Variants in RCHY1 observed in about 807,000 individuals in gnomAD.
The protein encoded by RCHY1 is ring finger and CHY zinc finger domain containing 1.
Under a neutral mutation model 41.6 loss-of-function variants are expected in RCHY1, and 21 were observed. That is an observed-to-expected ratio of 0.51 (90% CI 0.36 to 0.73). RCHY1 has a LOEUF of 0.73. Among genes scored for constraint, RCHY1 ranks in the 30% least tolerant of loss-of-function variants. The pLI, the probability that RCHY1 is intolerant of heterozygous loss-of-function variation, is 0.00. For missense variants in RCHY1, 265 were observed against 325.3 expected, an observed-to-expected ratio of 0.81 and a Z score of 1.43; for synonymous variants, 79 against 102.9, an observed-to-expected ratio of 0.77 and a Z score of 1.41.
chr4:75,513,071 G>T (rs1012422378), intron 1 of RCHY1, among the ~76,000 whole-genome samples: 8 of 152,104 alleles, frequency 5.3e-5, no homozygotes, highest in Non-Finnish European at 7.4e-5. Context: ...AGTAGAAATT[G>T]AATCATAAGG....
intron 1 of RCHY1, among the ~76,000 whole-genome samples, chr4:75,513,605 T>A (rs1466822230): frequency 2.0e-5 from 3 of 151,372 alleles, no homozygotes; most frequent in Non-Finnish European, 3.0e-5. Flanking sequence ...CGTGCCAATT[T>A]AAAAAAAAAT....
intron 3 of RCHY1, among the ~76,000 whole-genome samples, chr4:75,496,968 T>C (rs1578221389): frequency 6.6e-6 from 1 of 152,236 alleles, no homozygotes; most frequent in Middle Eastern, 3.4e-3. Flanking sequence ...TGTATACCAT[T>C]ACATTAAAAA....
intron 8 of RCHY1, among the ~76,000 whole-genome samples, chr4:75,484,631 AATTTCT>A (rs1176421238): frequency 7.2e-5 from 11 of 152,176 alleles, no homozygotes; most frequent in Non-Finnish European, 1.6e-4. Flanking sequence ...TGGGATCCTT[AATTTCT>A]GAAGAACTGA....
At chr4:75,495,471 C>CT (rs1356235768) in intron 3 of RCHY1, among the ~76,000 whole-genome samples, 16 of 152,130 alleles carry the variant, frequency 1.1e-4, no homozygotes, top group African/African-American at 3.9e-4. Flanking sequence ...TGAATAAAGA[C>CT]TATTTTCCAA....
intron 3 of RCHY1, among the ~76,000 whole-genome samples, chr4:75,504,897 G>A (rs1033881412): frequency 2.0e-5 from 3 of 152,102 alleles, no homozygotes; most frequent in Admixed American, 6.5e-5. Flanking sequence ...TACTTAAATG[G>A]TAAATGGCGA....
At chr4:75,503,638 G>A (rs56077838) in intron 3 of RCHY1, among the ~76,000 whole-genome samples, 23,281 of 151,804 alleles carry the variant, frequency 0.15, 2,188 homozygotes, top group Middle Eastern at 0.28. Context: ...GTTGCAGTGA[G>A]CCGAGATCAC....
chr4:75,490,009 T>G (rs760934130), intron 8 of RCHY1, among the ~76,000 whole-genome samples: 20 of 152,094 alleles, frequency 1.3e-4, no homozygotes, highest in Non-Finnish European at 2.6e-4. Context: ...TGTGGACAGT[T>G]TTTTCCCAAG....
chr4:75,514,419 G>A, upstream of RCHY1: 1 of 1,023,764 alleles, frequency 9.8e-7, no homozygotes, highest in Middle Eastern at 3.4e-4. Flanking sequence ...CTAAGCACGT[G>A]ACCCGGGGCA....
rs775887886 is a variant in RCHY1, at chr4:75,487,796, C to CATA, written c.657+2782_657+2784dup. On this transcript the variant is annotated intron_variant, in intron 8 of 8. Transcript: ENST00000324439. Reference sequence around the variant, plus strand: ...TATATATATTCATAATATATATATTCATATATATATTCATAATATATATTC... The same window carrying CATA: ...TATATATATTCATAATATATATATTCATAATATATATATTCATAATATATATTC... Among the ~76,000 whole-genome samples the CATA allele has an allele frequency of 6.5e-3, 321 of 49,710 alleles. 39 individuals carry two copies. The highest frequency in any genetic ancestry group is 0.022 in the Middle Eastern group (1 of 46). The allele number at this position is 49,710 out of a possible 152,430, so 32.6% of individuals were successfully genotyped here.
At chr4:75,508,268 C>A (rs1422918709) in intron 3 of RCHY1, among the ~76,000 whole-genome samples, 1 of 152,094 alleles carries the variant, frequency 6.6e-6, no homozygotes, top group African/African-American at 2.4e-5. Flanking sequence ...ACTTTAGACA[C>A]ACTTTACATA....
chr4:75,481,494 G>C lies in RCHY1; in HGVS notation c.*1044C>G, dbSNP rs1171525247. Reference sequence around the variant, plus strand: ...AATTCCACTACATGAGCCCAAAAAAGTATTATGAAATCAGAGATCTTGCCA... The same window carrying C: ...AATTCCACTACATGAGCCCAAAAAACTATTATGAAATCAGAGATCTTGCCA... On this transcript the variant is annotated 3_prime_UTR_variant, in exon 9 of 9. Transcript: ENST00000324439. 1 of 152,132 alleles carries C rather than the reference G, an allele frequency of 6.6e-6. No individual in the cohort carries two copies. The highest frequency in any genetic ancestry group is 1.5e-5 in the Non-Finnish European group (1 of 68,016). 9.4% of individuals were successfully genotyped at this position (152,132 alleles called of 1,614,324 possible).
intron 3 of RCHY1, among the ~76,000 whole-genome samples, chr4:75,495,512 C>A (rs1446208509): frequency 1.3e-5 from 2 of 151,968 alleles, no homozygotes; most frequent in African/African-American, 4.8e-5. Context: ...AGAAGAGATA[C>A]ATGAAAATTC....
intron 3 of RCHY1, among the ~76,000 whole-genome samples, chr4:75,499,223 G>A (rs894787184): frequency 2.6e-5 from 4 of 152,052 alleles, no homozygotes; most frequent in African/African-American, 9.7e-5. Context: ...CCACAATGAG[G>A]TATCATCACA....
intron 3 of RCHY1, among the ~76,000 whole-genome samples, chr4:75,501,288 C>T (rs1295028740): frequency 6.6e-6 from 1 of 152,158 alleles, no homozygotes; most frequent in African/African-American, 2.4e-5. Context: ...GGATTAGAGG[C>T]GTGAGCCACT....
chr4:75,497,680 T>C (rs1333218004), intron 3 of RCHY1, among the ~76,000 whole-genome samples: 1 of 151,956 alleles, frequency 6.6e-6, no homozygotes, highest in Non-Finnish European at 1.5e-5. Context: ...CAATTGGAGA[T>C]CCCTAAGGTA....
intron 3 of RCHY1, among the ~76,000 whole-genome samples, chr4:75,502,876 A>C (rs1210939062): frequency 6.6e-6 from 1 of 152,188 alleles, no homozygotes; most frequent in Non-Finnish European, 1.5e-5. Context: ...TCAAAGTATT[A>C]CATCATCTTT....
intron 8 of RCHY1, among the ~76,000 whole-genome samples, chr4:75,483,416 G>A (rs1181858207): frequency 1.3e-5 from 2 of 152,122 alleles, no homozygotes; most frequent in East Asian, 3.8e-4. Context: ...TGGAGAAAGT[G>A]GATTAGTGGT....
rs375797369 is a variant in RCHY1 at position 75,482,592 on chromosome 4, T to C, written c.732A>G (p.Glu244=). ...CTCCAGCTTGAGCAGTATTATAGGA[T>C]TCACAAATCTTACATTTCATGCCTA... ...HILGMKCKIC[E]SYNTAQAGGR... The change falls in exon 9 of 9, where the codon GAA becomes GAG. Residue 244 remains glutamate (E), a synonymous_variant. Transcript: ENST00000324439. The C allele has an allele frequency of 1.2e-6, 2 of 1,612,848 alleles. No individual in the cohort carries two copies. Among genetic ancestry groups the C allele is most frequent in the Admixed American group, 1.7e-5 (1 of 59,924 alleles).
intron 8 of RCHY1, among the ~76,000 whole-genome samples, chr4:75,489,603 C>A (rs1022104736): frequency 1.1e-4 from 16 of 152,038 alleles, no homozygotes; most frequent in African/African-American, 3.9e-4. Context: ...CGTAAGTTGA[C>A]CCCTTACGAA....
Sources: gnomAD v4.1 joint callset for allele counts (sites outside exome capture counted in the v4.1 genomes callset) on GRCh38, gnomAD v4.1.1 for gene constraint, MANE v1.5 for transcripts, NCBI Gene and HGNC (gene_info 2026-07-23, HGNC 2026-07-21) for gene names.